Variants in CACNA1B observed in about 807,000 individuals in gnomAD.
CACNA1B encodes voltage-dependent N-type calcium channel subunit alpha-1B.
CACNA1B carries 70 observed loss-of-function variants against 247.2 expected under a neutral mutation model. The ratio of observed to expected loss-of-function variants is 0.28; its 90% CI spans 0.23 to 0.35. CACNA1B has a LOEUF of 0.35. Ranked by LOEUF, CACNA1B falls within the 10% of genes least tolerant of loss-of-function variation. The probability of loss-of-function intolerance (pLI) is 1.00; values close to 1 mark genes in which losing one functional copy is unlikely to be tolerated. For missense variants in CACNA1B, 2,367 were observed against 3,197.4 expected (o/e 0.74, Z 6.26); for synonymous variants, 1,231 against 1,294.4 (o/e 0.95, Z 1.05).
chr9:137,979,148 G>C (rs1958264160), intron 12 of CACNA1B, among the ~76,000 whole-genome samples: 1 of 152,222 alleles, frequency 6.6e-6, no homozygotes, highest in Admixed American at 6.5e-5. Flanking sequence ...CTAACACTTA[G>C]CAGCTTTAAA....
intron 20 of CACNA1B, among the ~76,000 whole-genome samples, chr9:138,031,955 G>C: frequency 6.9e-6 from 1 of 143,922 alleles, no homozygotes; most frequent in South Asian, 2.1e-4. Context: ...TGTCAATTCT[G>C]TCTTTTATTT....
At chr9:137,931,100 C>T (rs985321481) in intron 6 of CACNA1B, among the ~76,000 whole-genome samples, 5 of 152,030 alleles carry the variant, frequency 3.3e-5, no homozygotes, top group African/African-American at 9.7e-5. Flanking sequence ...GTCTTGACTA[C>T]GAGTTGTCCA....
intron 18 of CACNA1B, among the ~76,000 whole-genome samples, chr9:138,013,720 G>A (rs556875939): frequency 6.6e-6 from 1 of 152,228 alleles, no homozygotes; most frequent in Admixed American, 6.5e-5. Flanking sequence ...TTATTCTGGC[G>A]AAAACTGCGT....
In CACNA1B at chr9:138,115,783, A is replaced by G. The variant is rs539650633; in HGVS notation, c.5777+104A>G. ...CTCAACCTCCCTGGCCCTCACTTCC[A>G]CTGGCCTCTGGGTTCACCAGCTTGG... On this transcript the variant is annotated intron_variant, in intron 42 of 46. Coordinates refer to ENST00000371372, the MANE Select transcript of CACNA1B (RefSeq NM_000718.4). 1.6e-5 allele frequency: 20 copies of G among 1,246,970 alleles called. No homozygotes were observed. In the South Asian group the frequency reaches 2.5e-4, roughly 15 times the overall value. The allele number at this position is 1,246,970 out of a possible 1,614,324, so 77.2% of individuals were successfully genotyped here. A position where few individuals can be genotyped will look rare whatever the true frequency, so the allele number is the denominator to read the frequency against.
intron 3 of CACNA1B, among the ~76,000 whole-genome samples, chr9:137,884,851 C>T (rs1271860074): frequency 4.6e-5 from 7 of 150,840 alleles, no homozygotes; most frequent in Non-Finnish European, 7.4e-5. Flanking sequence ...TAGACTGGGT[C>T]CAGGGCTGCT....
chr9:137,878,360 C>A, intron 1 of CACNA1B, 143 bp downstream of exon 1: 1 of 690,136 alleles, frequency 1.4e-6, no homozygotes, highest in Non-Finnish European at 2.0e-6. Flanking sequence ...CGCCCCAGGG[C>A]CCCTCGGAGC....
rs1224207806 is a variant in CACNA1B at position 138,054,701 on chromosome 9, A to C, written c.3968+695A>C. Among the ~76,000 whole-genome samples, 1 of 152,118 alleles carries C rather than the reference A, an allele frequency of 6.6e-6. No homozygotes were observed. Among genetic ancestry groups the C allele is most frequent in the African/African-American group, 2.4e-5 (1 of 41,428 alleles). On this transcript the variant is annotated intron_variant, in intron 26 of 46. Transcript: ENST00000371372. The surrounding 1 kb of genome is among the most constrained non-coding windows in gnomAD (Gnocchi z 4.6). ...GGAGGTGTATCTGTCTGGTAGTGGA[A>C]TTGCCGGGTCCTGGGTGTGCGTGTA...
intron 18 of CACNA1B, chr9:138,017,156 G>T (rs776636453): frequency 1.9e-6 from 1 of 518,942 alleles, no homozygotes; most frequent in African/African-American, 1.9e-5. Context: ...AAGCAAGCTC[G>T]AGGTACTGTA....
chr9:137,924,962 T>C (rs1487630632), intron 6 of CACNA1B, among the ~76,000 whole-genome samples: 2 of 152,210 alleles, frequency 1.3e-5, no homozygotes, highest in African/African-American at 4.8e-5. Flanking sequence ...GTCCCGCCTG[T>C]GACCAGGGGG....
chr9:138,048,805 T>A (rs1959206379), intron 23 of CACNA1B, among the ~76,000 whole-genome samples: 1 of 152,130 alleles, frequency 6.6e-6, no homozygotes, highest in African/African-American at 2.4e-5. Flanking sequence ...GCAGTCTCTG[T>A]GTCCTGGGTT....
At chr9:138,079,468 C>T (rs936712787) in intron 36 of CACNA1B, among the ~76,000 whole-genome samples, 10 of 152,178 alleles carry the variant, frequency 6.6e-5, no homozygotes, top group African/African-American at 1.7e-4. Context: ...CTGGGCCGGG[C>T]GTGGTGGCTC....
At chr9:138,089,453 T>G (rs986025438) in intron 36 of CACNA1B, among the ~76,000 whole-genome samples, 4 of 151,886 alleles carry the variant, frequency 2.6e-5, no homozygotes, top group Non-Finnish European at 5.9e-5. Flanking sequence ...CAGAAAAAAA[T>G]ATTTGATAAA....
rs762076578 is a variant in CACNA1B at position 137,913,315 on chromosome 9, C to T, written c.622+44C>T. ...GGCCCAAGCCGGCTTGGAGTAACAA[C>T]CTCCTCTCCTACCCTCACCACGGAC... is the stretch of plus-strand genomic sequence containing the variant. On this transcript the variant is annotated intron_variant, in intron 4 of 46. Transcript: ENST00000371372. This position sits in a 1 kb window ranked among gnomAD's most constrained non-coding sequence, Gnocchi z 5.2. 2 of 1,416,098 alleles carry T rather than the reference C, an allele frequency of 1.4e-6. No homozygotes were observed. Among genetic ancestry groups the T allele is most frequent in the Non-Finnish European group, 2.0e-6 (2 of 1,001,946 alleles). The allele number at this position is 1,416,098 out of a possible 1,614,324, so 87.7% of individuals were successfully genotyped here.
chr9:137,969,607 C>T (rs527786350), intron 10 of CACNA1B, among the ~76,000 whole-genome samples: 1 of 152,314 alleles, frequency 6.6e-6, no homozygotes, highest in Admixed American at 6.5e-5. Flanking sequence ...TTCTCTTTCC[C>T]TCCTTCCCAG....
Position 137,882,686 on chromosome 9 carries a change from T to C in CACNA1B, c.391-58T>C. The C allele has an allele frequency of 6.2e-7, 1 of 1,604,998 alleles. No individual in the cohort carries two copies. Among genetic ancestry groups the C allele is most frequent in the Non-Finnish European group, 8.5e-7 (1 of 1,172,878 alleles). On this transcript the variant is annotated intron_variant, in intron 2 of 46. Transcript: ENST00000371372. This position sits in a 1 kb window ranked among gnomAD's most constrained non-coding sequence, Gnocchi z 4.0. ...GGGTGGGGTCCTCACCAACCGTCTC[T>C]GCCCGCTACTACACCGGGTAGGGGC...
At chr9:137,976,079 C>G in intron 12 of CACNA1B, 60 bp downstream of exon 12, 1 of 1,029,442 alleles carries the variant, frequency 9.7e-7, no homozygotes, top group Non-Finnish European at 1.5e-6. Flanking sequence ...TGCACACAGC[C>G]CCCTCCCATA....
chr9:138,093,428 A>T (rs1051850792), intron 36 of CACNA1B, among the ~76,000 whole-genome samples: 5 of 145,010 alleles, frequency 3.4e-5, no homozygotes, highest in Admixed American at 2.7e-4. Flanking sequence ...AAAAAAAAAA[A>T]GAAGAAGAAG....
At chr9:138,037,332 T>C (rs2133458829) in intron 20 of CACNA1B, among the ~76,000 whole-genome samples, 1 of 152,262 alleles carries the variant, frequency 6.6e-6, no homozygotes, top group South Asian at 2.1e-4. Context: ...CACCCACTAG[T>C]TGTGACAACC....
At position 137,971,607 on chromosome 9, in the gene CACNA1B, C is replaced by T. The variant is rs200773745; in HGVS notation, c.1543+15C>T. On this transcript the variant is annotated intron_variant, in intron 11 of 46. Transcript: ENST00000371372. The surrounding 1 kb of genome is among the most constrained non-coding windows in gnomAD (Gnocchi z 4.4). The stretch of plus-strand genomic sequence containing the variant: ...CACGACCCTGTGTACGTATCCCCGT[C>T]CCTCCCTCAGGTGCTTCCTGAGCAT... 9.4e-6 allele frequency: 15 copies of T among 1,604,146 alleles called. No homozygotes were observed. In the African/African-American group the frequency reaches 1.7e-4, roughly 19 times the overall value.
Sources: gnomAD v4.1 joint callset for allele counts (sites outside exome capture counted in the v4.1 genomes callset) on GRCh38, gnomAD v4.1.1 for gene constraint, Gnocchi (gnomAD v3.1) non-coding constraint, MANE v1.5 for transcripts, NCBI Gene and HGNC (gene_info 2026-07-23, HGNC 2026-07-21) for gene names.